RYR3: variants seen among roughly 807,000 people sequenced by gnomAD.
The protein encoded by RYR3 is ryanodine receptor 3.
Under a neutral mutation model 584.3 loss-of-function variants are expected in RYR3, and 207 were observed. The observed-to-expected ratio is 0.35, with a 90% CI of 0.32 to 0.40. The LOEUF (loss-of-function observed/expected upper bound fraction) is 0.40. Ranked by LOEUF, RYR3 falls within the 10% of genes least tolerant of loss-of-function variation. RYR3 has a pLI of 1.00. For synonymous variants in RYR3, 2,416 were observed against 2,248.5 expected, an observed-to-expected ratio of 1.07 and a Z score of -2.11; for missense variants, 5,616 against 6,089.2, an observed-to-expected ratio of 0.92 and a Z score of 2.59.
intron 2 of RYR3, among the ~76,000 whole-genome samples, chr15:33,474,144 A>G (rs1185521190): frequency 6.6e-6 from 1 of 152,116 alleles, no homozygotes; most frequent in Non-Finnish European, 1.5e-5. Context: ...AAGTGGATCT[A>G]TGTGCTCAGC....
intron 1 of RYR3, among the ~76,000 whole-genome samples, chr15:33,406,684 T>C (rs939606052): frequency 6.6e-6 from 1 of 152,206 alleles, no homozygotes; most frequent in African/African-American, 2.4e-5. Flanking sequence ...TATGATCAGT[T>C]TGAACATAGC....
intron 43 of RYR3, among the ~76,000 whole-genome samples, chr15:33,717,270 G>C (rs1454922787): frequency 1.3e-5 from 2 of 152,038 alleles, no homozygotes; most frequent in African/African-American, 4.8e-5. Context: ...TTATCTACCT[G>C]GTATTTCTAC....
chr15:33,582,514 A>T (rs778421732), intron 14 of RYR3, among the ~76,000 whole-genome samples: 1 of 152,230 alleles, frequency 6.6e-6, no homozygotes, highest in East Asian at 1.9e-4. Context: ...CCCAGTAGGC[A>T]TGATTTTAAC....
At chr15:33,647,332 C>T in intron 29 of RYR3, 92 bp from the exon 30 acceptor site, 1 of 997,100 alleles carries the variant, frequency 1.0e-6, no homozygotes, top group Non-Finnish European at 1.6e-6. Context: ...CTAAACTTGA[C>T]TTGATCATTG....
intron 10 of RYR3, among the ~76,000 whole-genome samples, chr15:33,552,214 T>G (rs900323209): frequency 1.3e-5 from 2 of 152,136 alleles, no homozygotes; most frequent in African/African-American, 4.8e-5. Flanking sequence ...ATTCCATTCT[T>G]GGCTCAGCCT....
intron 70 of RYR3, 54 bp from the exon 71 acceptor site, chr15:33,810,423 GTT>G: frequency 1.3e-6 from 2 of 1,590,314 alleles, no homozygotes. Flanking sequence ...ACAGGAGGCC[GTT>G]CCTTTGGGAG....
At chr15:33,733,064 A>G (rs2069103106) in intron 48 of RYR3, among the ~76,000 whole-genome samples, 1 of 152,264 alleles carries the variant, frequency 6.6e-6, no homozygotes, top group South Asian at 2.1e-4. Context: ...CACACATATC[A>G]GAATGGCCAA....
chr15:33,662,604 A>G lies in RYR3; in HGVS notation c.5074A>G (p.Arg1692Gly), dbSNP rs1182416937. 6.2e-7 allele frequency: 1 copy of G among 1,614,002 alleles called. No individual in the cohort carries two copies. Among genetic ancestry groups the G allele is most frequent in the Admixed American group, 1.7e-5 (1 of 60,024 alleles). Residue 1692 changes from arginine (R) to glycine (G), a missense_variant, in exon 35 of 104, where the codon AGG becomes GGG. This residue lies in a region of RYR3 where 753 missense variants were observed against 741.0 expected (regional missense o/e 1.02). Coordinates refer to ENST00000634891, the MANE Select transcript of RYR3 (RefSeq NM_001036.6). ...QSPEIPLESL[R>G]TKALSMLTEA... ...CCCCGAGATTCCCTTGGAGAGTCTC[A>G]GGACGAAGGCTCTGAGTATGCTGAC...
At chr15:33,802,002 A>C (rs1349764319) in intron 69 of RYR3, 41 bp downstream of exon 69, 1 of 1,136,990 alleles carries the variant, frequency 8.8e-7, no homozygotes, top group African/African-American at 1.5e-5. Context: ...CTTCAACCCT[A>C]ACCTCAGCCA....
At chr15:33,452,535 T>G (rs2047217252) in intron 1 of RYR3, among the ~76,000 whole-genome samples, 1 of 152,214 alleles carries the variant, frequency 6.6e-6, no homozygotes, top group Non-Finnish European at 1.5e-5. Flanking sequence ...TTAAAGGGCT[T>G]CTTAAATATA....
Position 33,797,424 on chromosome 15 carries a change from G to A in RYR3, c.9831-3346G>A, listed in dbSNP as rs141238389. ...TTAATTGGGGGCAGAGAGGGTATGA[G>A]CGAATGTGAAAAGCTAGGTGAGGAT... On this transcript the variant is annotated intron_variant, in intron 67 of 103. Coordinates refer to ENST00000634891, the MANE Select transcript of RYR3 (RefSeq NM_001036.6). 5.3e-5 allele frequency among the ~76,000 whole-genome samples: 8 copies of A among 152,220 alleles called. No individual in the cohort carries two copies. In the East Asian group the frequency reaches 1.6e-3, roughly 30 times the overall value.
At chr15:33,584,080 A>C (rs1282415912) in intron 14 of RYR3, among the ~76,000 whole-genome samples, 1 of 151,948 alleles carries the variant, frequency 6.6e-6, no homozygotes, top group Non-Finnish European at 1.5e-5. Context: ...AACAAAAAAA[A>C]CTTAAAAATT....
chr15:33,432,003 C>A (rs1456350882), intron 1 of RYR3, among the ~76,000 whole-genome samples: 1 of 152,172 alleles, frequency 6.6e-6, no homozygotes, highest in East Asian at 1.9e-4. Context: ...GGAATTATTT[C>A]TACTAGTAAG....
At chr15:33,769,369 G>A (rs1375600676) in intron 62 of RYR3, among the ~76,000 whole-genome samples, 197 bp downstream of exon 62, 2 of 152,174 alleles carry the variant, frequency 1.3e-5, no homozygotes, top group African/African-American at 4.8e-5. Context: ...TGGCATAGAC[G>A]GAATGCAAAG....
In RYR3 at chr15:33,311,340, C is replaced by T. The variant is rs1449924374; in HGVS notation, c.51+244C>T. ...ACCGCCACCCCTGCCCCAGGCCCTC[C>T]ACCTAGGACCGCTCGCTCTCCAGGC... On this transcript the variant is annotated intron_variant, in intron 1 of 103. Transcript: ENST00000634891. This position sits in a 1 kb window ranked among gnomAD's most constrained non-coding sequence, Gnocchi z 4.4. 2.0e-5 allele frequency among the ~76,000 whole-genome samples: 3 copies of T among 152,218 alleles called. No homozygotes were observed. Among genetic ancestry groups the T allele is most frequent in the Non-Finnish European group, 4.4e-5 (3 of 68,024 alleles).
intron 93 of RYR3, chr15:33,847,130 G>A (rs2078773955): frequency 6.6e-6 from 1 of 152,244 alleles, no homozygotes; most frequent in Non-Finnish European, 1.5e-5. Context: ...GCAGGCATTA[G>A]TCGCTGAGCT....
intron 10 of RYR3, among the ~76,000 whole-genome samples, chr15:33,551,818 T>C (rs1414308313): frequency 6.6e-6 from 1 of 152,160 alleles, no homozygotes; most frequent in Non-Finnish European, 1.5e-5. Flanking sequence ...TAGTGAATAT[T>C]TTTGCCTCCA....
At chr15:33,554,172 T>C in intron 10 of RYR3, among the ~76,000 whole-genome samples, 1 of 152,154 alleles carries the variant, frequency 6.6e-6, no homozygotes, top group East Asian at 1.9e-4. Context: ...CCCACCCTGC[T>C]TTATTTTTGC....
rs2074313959 is a variant in RYR3, at chr15:33,780,398, C to A, written c.9268+57C>A. The A allele has an allele frequency of 1.1e-5, 17 of 1,578,366 alleles. No homozygotes were observed. The South Asian group carries it at 1.8e-4, about 17-fold the overall frequency. On this transcript the variant is annotated intron_variant, in intron 65 of 103. Transcript: ENST00000634891. ...ATTTCATGTGCTGAGAGGAGAGGAG[C>A]CACACAGGCAGGGAGCAGCAGCCCT...
Sources: gnomAD v4.1 joint callset for allele counts (sites outside exome capture counted in the v4.1 genomes callset) on GRCh38, gnomAD v4.1.1 for gene constraint, gnomAD v4.1.1 regional missense constraint, Gnocchi (gnomAD v3.1) non-coding constraint, MANE v1.5 for transcripts, NCBI Gene and HGNC (gene_info 2026-07-23, HGNC 2026-07-21) for gene names.